The following UBE4B variants were observed in gnomAD, a reference collection of about 807,000 sequenced individuals.
The protein encoded by UBE4B is ubiquitination factor E4B.
Under a neutral mutation model 148.1 loss-of-function variants are expected in UBE4B, and 27 were observed. The observed-to-expected ratio is 0.18, with a 90% CI of 0.13 to 0.25. UBE4B has a LOEUF of 0.25. Ranked by LOEUF, UBE4B falls within the 10% of genes least tolerant of loss-of-function variation. UBE4B has a pLI of 1.00. For synonymous variants in UBE4B, 596 were observed against 619.3 expected (o/e 0.96, Z 0.56); for missense variants, 1,170 against 1,662.4 (o/e 0.70, Z 5.15).
In UBE4B at chr1:10,146,944, G is replaced by T; in HGVS notation, c.2464-19G>T. On this transcript the variant is annotated intron_variant, in intron 18 of 27. Coordinates refer to ENST00000343090, the MANE Select transcript of UBE4B (RefSeq NM_001105562.3). ...AGCTACTGACTGATCTTTGGGTGGG[G>T]ACATCCCTGCTTCCACAGAAACTGG... 1 of 1,613,064 alleles carries T rather than the reference G, an allele frequency of 6.2e-7. No individual in the cohort carries two copies. The highest frequency in any genetic ancestry group is 1.1e-5 in the South Asian group (1 of 91,054).
chr1:10,034,762 C>A (rs1643438461), intron 1 of UBE4B, among the ~76,000 whole-genome samples: 1 of 152,168 alleles, frequency 6.6e-6, no homozygotes, highest in Admixed American at 6.5e-5. Context: ...GACTGAAATT[C>A]TCCTGGGATA....
chr1:10,052,368 G>A lies in UBE4B; in HGVS notation c.24+18674G>A, dbSNP rs11809750. On this transcript the variant is annotated intron_variant, in intron 1 of 27. Coordinates refer to ENST00000343090, the MANE Select transcript of UBE4B (RefSeq NM_001105562.3). The stretch of plus-strand genomic sequence containing the variant: ...ATTATAGGCATGAGCCACTGGGCCT[G>A]GTCAGTGGTGATTTAATTAGTTAGA... Among the ~76,000 whole-genome samples the A allele has an allele frequency of 8.4e-3, 1,274 of 152,220 alleles. 24 individuals are homozygous for A. The highest frequency in any genetic ancestry group is 0.029 in the African/African-American group (1,201 of 41,512).
At chr1:10,177,118 G>A (rs1193767446) in intron 25 of UBE4B, among the ~76,000 whole-genome samples, 2 of 151,910 alleles carry the variant, frequency 1.3e-5, no homozygotes, top group African/African-American at 2.4e-5. Context: ...TGGATGCTAG[G>A]TCATATCAGA....
At chr1:10,175,524 G>T (rs554828195) in intron 25 of UBE4B, among the ~76,000 whole-genome samples, 1 of 151,748 alleles carries the variant, frequency 6.6e-6, no homozygotes, top group African/African-American at 2.4e-5. Context: ...GGTGGCGGGC[G>T]CCCGTAGACC....
rs1205676362 is a variant in UBE4B, at chr1:10,106,081, ATATACT to A, written c.810-114_810-109del. 5 of 1,198,348 alleles carry A rather than the reference ATATACT, an allele frequency of 4.2e-6. No individual in the cohort carries two copies. The highest frequency in any genetic ancestry group is 4.6e-6 in the Non-Finnish European group (4 of 865,748). The allele number at this position is 1,198,348 out of a possible 1,614,324, so 74.2% of individuals were successfully genotyped here. ...AATTATTTAGATGTTTATCTGCTAG[ATATACT>A]TGAACTGAAATGATTCTCCTTTAAA... On this transcript the variant is annotated intron_variant, in intron 6 of 27. Transcript: ENST00000343090. This position sits in a 1 kb window ranked among gnomAD's most constrained non-coding sequence, Gnocchi z 4.2.
intron 1 of UBE4B, among the ~76,000 whole-genome samples, chr1:10,064,523 G>A (rs1185077248): frequency 6.6e-6 from 1 of 152,126 alleles, no homozygotes; most frequent in African/African-American, 2.4e-5. Flanking sequence ...AAAGATAGCT[G>A]GGTCACAGGA....
intron 10 of UBE4B, 42 bp from the exon 11 acceptor site, chr1:10,126,752 T>G (rs758356191): frequency 4.6e-6 from 7 of 1,523,386 alleles, no homozygotes; most frequent in Non-Finnish European, 6.4e-6. Flanking sequence ...ACTCTTAGAT[T>G]CTCTTAAACT....
chr1:10,034,501 C>A (rs1643428540), intron 1 of UBE4B, among the ~76,000 whole-genome samples: 2 of 151,814 alleles, frequency 1.3e-5, no homozygotes, highest in Admixed American at 1.3e-4. Context: ...AACCAAAAAG[C>A]AGTGGCAATT....
intron 23 of UBE4B, chr1:10,166,331 A>G (rs937490764): frequency 3.9e-5 from 6 of 152,260 alleles, no homozygotes; most frequent in Admixed American, 2.0e-4. Context: ...GAAGGAGGAA[A>G]GTGCGCCAGA....
chr1:10,050,738 TA>T (rs1195051660), intron 1 of UBE4B, among the ~76,000 whole-genome samples: 2 of 151,380 alleles, frequency 1.3e-5, no homozygotes, highest in Non-Finnish European at 2.9e-5. Context: ...TTTTTTTTTT[TA>T]TAGAGGTGGA....
chr1:10,121,937 G>A (rs753322853), intron 9 of UBE4B, 25 bp from the exon 10 acceptor site: 22 of 1,529,870 alleles, frequency 1.4e-5, no homozygotes, highest in East Asian at 9.0e-5. Flanking sequence ...CTTCATCACC[G>A]TCCCTAATGT....
intron 5 of UBE4B, among the ~76,000 whole-genome samples, chr1:10,103,614 TTTG>T (rs1382252484): frequency 4.7e-5 from 7 of 148,890 alleles, no homozygotes; most frequent in Non-Finnish European, 7.4e-5. Context: ...TGTAGTTTTT[TTTG>T]TTTGTTTTGT....
chr1:10,153,518 A>AAT (rs1646014218), intron 21 of UBE4B, among the ~76,000 whole-genome samples: 2 of 145,174 alleles, frequency 1.4e-5, no homozygotes, highest in African/African-American at 5.0e-5. Flanking sequence ...AAAAAAAAAA[A>AAT]GGGTAAAAAG....
rs997561556 is a variant in UBE4B at position 10,035,791 on chromosome 1, A to G, written c.24+2097A>G. ...GGAGCCTCGCTCTGTTGCCCAGGCTAGAGTGCAGTGGCGCGATCTCAGCTC... is the reference window on the plus strand; with the variant it reads ...GGAGCCTCGCTCTGTTGCCCAGGCTGGAGTGCAGTGGCGCGATCTCAGCTC... On this transcript the variant is annotated intron_variant, in intron 1 of 27. Coordinates refer to ENST00000343090, the MANE Select transcript of UBE4B (RefSeq NM_001105562.3). 1.2e-4 allele frequency among the ~76,000 whole-genome samples: 18 copies of G among 145,772 alleles called. 1 individual carries two copies. Among genetic ancestry groups the G allele is most frequent in the Admixed American group, 2.8e-4 (4 of 14,312 alleles).
intron 15 of UBE4B, among the ~76,000 whole-genome samples, chr1:10,134,308 C>T (rs1014730971): frequency 5.3e-5 from 8 of 151,760 alleles, no homozygotes; most frequent in East Asian, 1.9e-4. Flanking sequence ...GTCAGGAGTT[C>T]GAGACCAGCC....
intron 10 of UBE4B, among the ~76,000 whole-genome samples, chr1:10,124,403 G>A (rs1394331551): frequency 6.6e-6 from 1 of 152,106 alleles, no homozygotes; most frequent in East Asian, 1.9e-4. Flanking sequence ...CTCAAGGCTG[G>A]TCTTGAACTC....
intron 21 of UBE4B, among the ~76,000 whole-genome samples, chr1:10,152,249 A>G (rs1325834291): frequency 7.1e-6 from 1 of 139,914 alleles, no homozygotes; most frequent in Non-Finnish European, 1.5e-5. Context: ...AGAGAACAAG[A>G]CTCCGTCTCA....
At chr1:10,156,127 G>A (rs1646066785) in intron 21 of UBE4B, among the ~76,000 whole-genome samples, 1 of 151,652 alleles carries the variant, frequency 6.6e-6, no homozygotes, top group Admixed American at 6.6e-5. Context: ...CTAGAACAAG[G>A]ACCTGGGAAT....
intron 17 of UBE4B, among the ~76,000 whole-genome samples, chr1:10,139,864 G>A (rs902441510): frequency 2.0e-5 from 3 of 152,186 alleles, no homozygotes; most frequent in Non-Finnish European, 4.4e-5. Context: ...GAGTAGCTGG[G>A]ATTACAGGCA....
Sources: gnomAD v4.1 joint callset for allele counts (sites outside exome capture counted in the v4.1 genomes callset) on GRCh38, gnomAD v4.1.1 for gene constraint, Gnocchi (gnomAD v3.1) non-coding constraint, MANE v1.5 for transcripts, NCBI Gene and HGNC (gene_info 2026-07-23, HGNC 2026-07-21) for gene names.